NBEAL1: variants seen among roughly 807,000 people sequenced by gnomAD.
The protein encoded by NBEAL1 is neurobeachin-like protein 1.
Under a neutral mutation model 351.3 loss-of-function variants are expected in NBEAL1, and 273 were observed. The ratio of observed to expected loss-of-function variants is 0.78; its 90% CI spans 0.70 to 0.86. The LOEUF (loss-of-function observed/expected upper bound fraction) is 0.86. NBEAL1 is among the 40% of genes least tolerant of loss of function. The probability of loss-of-function intolerance (pLI) is 0.00; values close to 1 mark genes in which losing one functional copy is unlikely to be tolerated. For synonymous variants in NBEAL1, 1,050 were observed against 1,086.4 expected (o/e 0.97, Z 0.66); for missense variants, 2,961 against 3,201.3 (o/e 0.92, Z 1.81).
intron 42 of NBEAL1, 136 bp from the exon 43 acceptor site, chr2:203,180,245 AT>A (rs2064665039): frequency 3.1e-6 from 2 of 635,458 alleles, no homozygotes; most frequent in South Asian, 3.9e-5. Context: ...TAAATTGTAC[AT>A]GTAGGCATTA....
At chr2:203,194,563 A>C (rs2065182768) in intron 47 of NBEAL1, among the ~76,000 whole-genome samples, 2 of 152,202 alleles carry the variant, frequency 1.3e-5, no homozygotes, top group African/African-American at 4.8e-5. Context: ...TTCTTGTCTC[A>C]AATAATAACT....
At chr2:203,147,598 A>G (rs1387510376) in intron 33 of NBEAL1, among the ~76,000 whole-genome samples, 1 of 152,124 alleles carries the variant, frequency 6.6e-6, no homozygotes, top group Non-Finnish European at 1.5e-5. Flanking sequence ...AGGTGTATAT[A>G]TTTGGTTAAG....
intron 51 of NBEAL1, among the ~76,000 whole-genome samples, chr2:203,207,679 C>A (rs1267535683): frequency 6.6e-6 from 1 of 152,140 alleles, no homozygotes; most frequent in Non-Finnish European, 1.5e-5. Context: ...AAGGGCGGTG[C>A]AAGATGTGCT....
intron 4 of NBEAL1, 182 bp downstream of exon 4, chr2:203,050,157 C>T: frequency 2.0e-6 from 1 of 510,058 alleles, no homozygotes. Flanking sequence ...CAGCAAACCA[C>T]TATGGCATGT....
intron 55 of NBEAL1, among the ~76,000 whole-genome samples, chr2:203,216,704 C>T (rs2065900287): frequency 6.6e-6 from 1 of 151,954 alleles, no homozygotes; most frequent in Non-Finnish European, 1.5e-5. Context: ...CATAACGAGG[C>T]CATTAATTGT....
At chr2:203,137,876 C>G (rs993965543) in intron 29 of NBEAL1, among the ~76,000 whole-genome samples, 1 of 151,736 alleles carries the variant, frequency 6.6e-6, no homozygotes, top group Non-Finnish European at 1.5e-5. Flanking sequence ...CCCAGCTTCT[C>G]GGGAGACTGA....
At chr2:203,150,616 G>A (rs1447096754) in intron 34 of NBEAL1, among the ~76,000 whole-genome samples, 1 of 151,226 alleles carries the variant, frequency 6.6e-6, no homozygotes, top group Non-Finnish European at 1.5e-5. Flanking sequence ...GGGTTTTTTT[G>A]GTGTCATATC....
At position 203,223,516 on chromosome 2, in the gene NBEAL1, G is replaced by A. The variant is rs137856264; in HGVS notation, c.*6162G>A. Among the ~76,000 whole-genome samples the A allele has an allele frequency of 1.7e-3, 265 of 151,986 alleles. 1 individual carries two copies. The highest frequency in any genetic ancestry group is 6.0e-3 in the African/African-American group (249 of 41,506). Reference sequence around the variant, plus strand: ...TTTTTCAGTGTACAGAGTGATTAGCGGCTTGTAATGCTGTTACAATGTAGC... The same window carrying A: ...TTTTTCAGTGTACAGAGTGATTAGCAGCTTGTAATGCTGTTACAATGTAGC... On this transcript the variant is annotated 3_prime_UTR_variant, in exon 56 of 56. Coordinates refer to ENST00000683969, the MANE Select transcript of NBEAL1 (RefSeq NM_001378026.1).
At chr2:203,071,414 A>G (rs2061679770) in intron 7 of NBEAL1, among the ~76,000 whole-genome samples, 1 of 152,124 alleles carries the variant, frequency 6.6e-6, no homozygotes, top group African/African-American at 2.4e-5. Context: ...TTATGACCTC[A>G]TTTAACTTTA....
At chr2:203,100,595 G>A (rs567523496) in intron 12 of NBEAL1, among the ~76,000 whole-genome samples, 36 of 144,318 alleles carry the variant, frequency 2.5e-4, no homozygotes, top group Admixed American at 7.3e-4. Context: ...CGCCCAAGCT[G>A]GAGTGCAGTA....
intron 51 of NBEAL1, among the ~76,000 whole-genome samples, chr2:203,206,205 G>A (rs933245404): frequency 6.6e-6 from 1 of 152,212 alleles, no homozygotes; most frequent in African/African-American, 2.4e-5. Context: ...AACGAAGGTT[G>A]CAGAAGAATC....
Position 203,180,395 on chromosome 2 carries a change from G to T in NBEAL1, c.6478G>T (p.Asp2160Tyr), listed in dbSNP as rs527746341. The T allele has an allele frequency of 1.5e-5, 24 of 1,610,352 alleles. No individual in the cohort carries two copies. The highest frequency in any genetic ancestry group is 6.7e-5 in the Admixed American group (4 of 59,380). Residue 2160 changes from aspartate to tyrosine, a missense_variant, in exon 43 of 56, where the codon GAT becomes TAT. Physicochemically the swap from Asp to Tyr is radical, Grantham distance 160 (BLOSUM62 -3). Transcript: ENST00000683969. The part of the protein sequence containing the change: ...QLQSGRFDCA[D>Y]RQFHSIPATW... ...TTCTACATGCAGGTTTGACTGTGCA[G>T]ATCGACAGTTCCATTCTATTCCTGC...
intron 17 of NBEAL1, among the ~76,000 whole-genome samples, chr2:203,114,152 C>T (rs537610501): frequency 3.9e-5 from 6 of 152,136 alleles, no homozygotes; most frequent in African/African-American, 1.4e-4. Flanking sequence ...AAGGGGTTCT[C>T]TCAGACTACG....
chr2:203,200,019 C>T (rs1301689210), intron 49 of NBEAL1, among the ~76,000 whole-genome samples: 1 of 152,210 alleles, frequency 6.6e-6, no homozygotes, highest in Non-Finnish European at 1.5e-5. Flanking sequence ...GTTATGTTCT[C>T]ACTTAAAGTG....
intron 42 of NBEAL1, among the ~76,000 whole-genome samples, chr2:203,177,943 C>T (rs1024302713): frequency 4.6e-5 from 7 of 151,508 alleles, no homozygotes; most frequent in Admixed American, 3.3e-4. Flanking sequence ...TGCCTGAACC[C>T]GGGAGGCGGA....
chr2:203,166,207 C>T lies in NBEAL1; in HGVS notation c.5773C>T (p.Leu1925Phe). 1 of 1,609,656 alleles carries T rather than the reference C, an allele frequency of 6.2e-7. No homozygotes were observed. Among genetic ancestry groups the T allele is most frequent in the South Asian group, 1.1e-5 (1 of 89,916 alleles). The change falls in exon 37 of 56, where the codon CTC becomes TTC. Residue 1925 changes from leucine to phenylalanine, a missense_variant. Transcript: ENST00000683969. ...ATTGGTATTGATGGAAGACTGTGAA[C>T]TCATTACAATAATTGATGTAATTCC... is the stretch of plus-strand genomic sequence containing the variant. ...EKLVLMEDCE[L>F]ITIIDVIPGR... is the part of the protein sequence containing the mutation.
At chr2:203,207,641 G>T (rs987965617) in intron 51 of NBEAL1, among the ~76,000 whole-genome samples, 1 of 152,126 alleles carries the variant, frequency 6.6e-6, no homozygotes, top group African/African-American at 2.4e-5. Context: ...TGAAACATGC[G>T]CTGTGTCCAC....
intron 44 of NBEAL1, among the ~76,000 whole-genome samples, chr2:203,186,293 G>A (rs1456609248): frequency 6.6e-6 from 1 of 152,210 alleles, no homozygotes; most frequent in Non-Finnish European, 1.5e-5. Context: ...TCTGTGTGTG[G>A]ATGAAACTAC....
intron 23 of NBEAL1, among the ~76,000 whole-genome samples, chr2:203,127,365 A>G (rs1268389552): frequency 6.6e-6 from 1 of 152,238 alleles, no homozygotes; most frequent in African/African-American, 2.4e-5. Flanking sequence ...AGTTACTATG[A>G]ATCTCAGAAT....
Sources: allele counts gnomAD v4.1 joint callset (sites outside exome capture counted in the v4.1 genomes callset), GRCh38; gene constraint gnomAD v4.1.1; transcripts MANE v1.5; gene names NCBI Gene and HGNC (gene_info 2026-07-23, HGNC 2026-07-21).